The following PEX6 variants were observed in gnomAD, a reference collection of about 807,000 sequenced individuals.
The protein encoded by PEX6 is peroxisomal biogenesis factor 6.
PEX6 carries 55 observed loss-of-function variants against 85.6 expected under a neutral mutation model. The ratio of observed to expected loss-of-function variants is 0.64; its 90% confidence interval spans 0.52 to 0.80. The LOEUF (loss-of-function observed/expected upper bound fraction) is 0.80. Ranked by LOEUF, PEX6 falls within the 30% of genes least tolerant of loss-of-function variation. The pLI is 0.00. For missense variants in PEX6, 1,099 were observed against 1,260.3 expected, an observed-to-expected ratio of 0.87 and a Z score of 1.94; for synonymous variants, 519 against 549.1, an observed-to-expected ratio of 0.95 and a Z score of 0.77.
In PEX6 at chr6:42,966,043, C is replaced by T. The variant is rs1443107232; in HGVS notation, c.2362+1G>A. 2 of 1,613,808 alleles carry T rather than the reference C, an allele frequency of 1.2e-6. No individual in the cohort carries two copies. Among genetic ancestry groups the T allele is most frequent in the Non-Finnish European group, 1.7e-6 (2 of 1,180,018 alleles). The stretch of plus-strand genomic sequence containing the variant: ...CGCCCTGCCCCTCCCTGCTCACTCA[C>T]CTTCCCGCACATTCTCCTCACTTTG... On this transcript the variant is annotated splice_donor_variant, in intron 12 of 16. Transcript: ENST00000304611. LOFTEE classifies it high-confidence loss of function.
intron 6 of PEX6, 31 bp downstream of exon 6, chr6:42,968,843 A>T (rs1202326932): frequency 1.4e-6 from 2 of 1,470,620 alleles, no homozygotes; most frequent in Non-Finnish European, 1.9e-6. Context: ...GAGGGGAAGT[A>T]GCTGGGGTTC....
At chr6:42,970,405 C>T (rs774009150) in intron 3 of PEX6, among the ~76,000 whole-genome samples, 6 of 152,256 alleles carry the variant, frequency 3.9e-5, no homozygotes, top group Non-Finnish European at 7.3e-5. Flanking sequence ...CTCAATAATC[C>T]ACAAAATCTC....
chr6:42,972,355 G>A (rs1341684607), intron 3 of PEX6, among the ~76,000 whole-genome samples: 1 of 152,160 alleles, frequency 6.6e-6, no homozygotes, highest in East Asian at 1.9e-4. Context: ...ATTTTACATG[G>A]AACCTCTGTG....
At chr6:42,973,340 T>C (rs549703607) in intron 3 of PEX6, among the ~76,000 whole-genome samples, 1 of 152,178 alleles carries the variant, frequency 6.6e-6, no homozygotes, top group South Asian at 2.1e-4. Context: ...TTGCTTTACA[T>C]AGGGCCACCA....
In PEX6 at chr6:42,978,437, G is replaced by A. The variant is rs1279128147; in HGVS notation, c.714C>T (p.His238=). 5 of 1,614,120 alleles carry A rather than the reference G, an allele frequency of 3.1e-6. No individual in the cohort carries two copies. The highest frequency in any genetic ancestry group is 4.2e-6 in the Non-Finnish European group (5 of 1,180,034). ...GTTCTAGGACCTGCACCCTAGCCAAGTGCGGCTGTGAAGTGTTCGATGACT... is the reference window on the plus strand; with the variant it reads ...GTTCTAGGACCTGCACCCTAGCCAAATGCGGCTGTGAAGTGTTCGATGACT... ...ARESSNTSQP[H]LARVQVLEPR... The change falls in exon 1 of 17, where the codon CAC becomes CAT. Residue 238 remains histidine, a synonymous_variant. Coordinates refer to ENST00000304611, the MANE Select transcript of PEX6 (RefSeq NM_000287.4).
chr6:42,963,991 T>C lies in PEX6; in HGVS notation c.*344A>G. The C allele has an allele frequency of 2.4e-6, 1 of 419,270 alleles. No homozygotes were observed. Among genetic ancestry groups the C allele is most frequent in the South Asian group, 2.1e-5 (1 of 48,028 alleles). The allele number at this position is 419,270 out of a possible 1,614,324, so 26.0% of individuals were successfully genotyped here. A position where few individuals can be genotyped will look rare whatever the true frequency, so the allele number is the denominator to read the frequency against. On this transcript the variant is annotated 3_prime_UTR_variant, in exon 17 of 17. Transcript: ENST00000304611. ...CCCTGCTCTTTCTCACTCCAACCTT[T>C]CATGCCACAACACCAGTAGGGGGCG... is the stretch of plus-strand genomic sequence containing the variant.
rs1446120798 is a variant in PEX6 at position 42,979,159 on chromosome 6, G to A, written c.-9C>T. The A allele has an allele frequency of 1.9e-6, 3 of 1,576,060 alleles. No homozygotes were observed. The highest frequency in any genetic ancestry group is 2.7e-5 in the African/African-American group (2 of 74,536). Reference sequence around the variant, plus strand: ...AAGACAGCCAGCGCCATGGTGACAGGACACCAACGAGGAGGGTGAAGGAGC... The same window carrying A: ...AAGACAGCCAGCGCCATGGTGACAGAACACCAACGAGGAGGGTGAAGGAGC... On this transcript the variant is annotated 5_prime_UTR_variant, in exon 1 of 17. Transcript: ENST00000304611.
intron 11 of PEX6, 45 bp downstream of exon 11, chr6:42,966,197 G>A: frequency 6.2e-7 from 1 of 1,609,232 alleles, no homozygotes; most frequent in Non-Finnish European, 8.5e-7. Flanking sequence ...CCAGCCTGCT[G>A]CAGCCCCTGA....
rs750046036 is a variant in PEX6, at chr6:42,966,308, G to A, written c.2234C>T (p.Pro745Leu). Reference sequence around the variant, plus strand: ...CAGAAGGGTCTTGCCGGTGCCAGGGGGCCCATGGAGCAGAAGGCCTGAGCG... The same window carrying A: ...CAGAAGGGTCTTGCCGGTGCCAGGGAGCCCATGGAGCAGAAGGCCTGAGCG... ...LRRSGLLLHG[P>L]PGTGKTLLAK... The change falls in exon 11 of 17, where the codon CCC (proline) becomes CTC (leucine). Residue 745 changes from proline to leucine, a missense_variant. By Grantham distance (98) the Pro-to-Leu change is moderately conservative. This residue lies in a region of PEX6 where 514 missense variants were observed against 627.0 expected (regional missense o/e 0.82). Coordinates refer to ENST00000304611, the MANE Select transcript of PEX6 (RefSeq NM_000287.4). The A allele has an allele frequency of 6.2e-7, 1 of 1,612,954 alleles. No individual in the cohort carries two copies. The highest frequency in any genetic ancestry group is 8.5e-7 in the Non-Finnish European group (1 of 1,180,012).
At position 42,965,958 on chromosome 6, in the gene PEX6, C is replaced by T. The variant is rs1769780317; in HGVS notation, c.2362+86G>A. ...TGTAGAAAGGAGGATTAGGAATGAT[C>T]ATGAGTAGCCTGGGAGTAGGGGGTG... On this transcript the variant is annotated intron_variant, in intron 12 of 16. Coordinates refer to ENST00000304611, the MANE Select transcript of PEX6 (RefSeq NM_000287.4). The surrounding 1 kb of genome is among the most constrained non-coding windows in gnomAD (Gnocchi z 5.0). 4 of 1,480,572 alleles carry T rather than the reference C, an allele frequency of 2.7e-6. No individual in the cohort carries two copies. Among genetic ancestry groups the T allele is most frequent in the Non-Finnish European group, 3.8e-6 (4 of 1,060,680 alleles). 91.7% of individuals were successfully genotyped at this position (1,480,572 alleles called of 1,614,324 possible). A position where few individuals can be genotyped will look rare whatever the true frequency, so the allele number is the denominator to read the frequency against.
chr6:42,965,883 T>C lies in PEX6; in HGVS notation c.2363-94A>G. 7.7e-7 allele frequency: 1 copy of C among 1,304,056 alleles called. No homozygotes were observed. The highest frequency in any genetic ancestry group is 1.1e-6 in the Non-Finnish European group (1 of 902,084). The allele number at this position is 1,304,056 out of a possible 1,614,324, so 80.8% of individuals were successfully genotyped here. A position where few individuals can be genotyped will look rare whatever the true frequency, so the allele number is the denominator to read the frequency against. On this transcript the variant is annotated intron_variant, in intron 12 of 16. Transcript: ENST00000304611. The surrounding 1 kb of genome is among the most constrained non-coding windows in gnomAD (Gnocchi z 5.0). ...AGGGAGGGAAACTGGGGCCTGACAA[T>C]ACAGCACTGGCATCCCAGGTACTAG...
chr6:42,974,451 GTTTTTTT>G lies in PEX6; in HGVS notation c.1047-372_1047-366del, dbSNP rs541877938. Among the ~76,000 whole-genome samples, 14 of 61,032 alleles carry G rather than the reference GTTTTTTT, an allele frequency of 2.3e-4. 1 individual carries two copies. Among genetic ancestry groups the G allele is most frequent in the South Asian group, 2.2e-3 (3 of 1,350 alleles). 40.0% of individuals were successfully genotyped at this position (61,032 alleles called of 152,430 possible). ...ACAATCTGTCTGAAATGTTTTTTTTGTTTTTTTTTTTTTTTTTTTTTTTTGAGACGGA... is the reference window on the plus strand; with the variant it reads ...ACAATCTGTCTGAAATGTTTTTTTTGTTTTTTTTTTTTTTTTTGAGACGGA... On this transcript the variant is annotated intron_variant, in intron 2 of 16. Transcript: ENST00000304611.
rs1254835147 is a variant in PEX6, at chr6:42,967,688, T to C, written c.1689-125A>G. ...TGGGTGCTAGGATGGGGTAGGGAGATGAGCATCTACCCCAGTTCCTAGATG... is the reference window on the plus strand; with the variant it reads ...TGGGTGCTAGGATGGGGTAGGGAGACGAGCATCTACCCCAGTTCCTAGATG... On this transcript the variant is annotated intron_variant, in intron 7 of 16. Coordinates refer to ENST00000304611, the MANE Select transcript of PEX6 (RefSeq NM_000287.4). The C allele has an allele frequency of 3.9e-6, 3 of 772,222 alleles. No homozygotes were observed. In the African/African-American group the frequency reaches 5.1e-5, roughly 13 times the overall value. The allele number at this position is 772,222 out of a possible 1,614,324, so 47.8% of individuals were successfully genotyped here.
chr6:42,969,994 G>A lies in PEX6; in HGVS notation c.1131-7C>T, dbSNP rs752538584. ...AAAAAACATTTCCCGCCACCTGCAG[G>A]AAAAAGGCCCAATGAACCCCAGATC... is the stretch of plus-strand genomic sequence containing the variant. On this transcript the variant is annotated splice_region_variant and splice_polypyrimidine_tract_variant and intron_variant, in intron 3 of 16. Transcript: ENST00000304611. 4 of 1,612,828 alleles carry A rather than the reference G, an allele frequency of 2.5e-6. No homozygotes were observed. Among genetic ancestry groups the A allele is most frequent in the Admixed American group, 1.7e-5 (1 of 59,996 alleles).
Position 42,978,610 on chromosome 6 carries a change from C to T in PEX6, c.541G>A (p.Val181Met), listed in dbSNP as rs372248987. The T allele has an allele frequency of 2.2e-5, 36 of 1,604,776 alleles. No individual in the cohort carries two copies. Among genetic ancestry groups the T allele is most frequent in the East Asian group, 2.2e-4 (10 of 44,584 alleles). The change falls in exon 1 of 17, where the codon GTG becomes ATG. Residue 181 changes from valine (V) to methionine (M), a missense_variant. Val to Met is a conservative substitution (Grantham distance 21). Around this residue, in one of 3 missense-constraint regions of PEX6, gnomAD observed 579 missense variants for 611.6 expected, o/e 0.95. Coordinates refer to ENST00000304611, the MANE Select transcript of PEX6 (RefSeq NM_000287.4). ...GDSSRPPPPP[V>M]VSSFAVSGTV... is the part of the protein sequence containing the mutation. ...CCAGAAACCGCAAAGGAGGACACCA[C>T]GGGCGGGGGTGGGGGCCGACTGCTG...
chr6:42,973,651 G>C (rs1181872616), intron 3 of PEX6, among the ~76,000 whole-genome samples: 1 of 151,984 alleles, frequency 6.6e-6, no homozygotes, highest in Non-Finnish European at 1.5e-5. Context: ...TCAAGAGTTC[G>C]AGCCCAGCCT....
chr6:42,974,131 G>A, intron 2 of PEX6, 45 bp from the exon 3 acceptor site: 1 of 1,450,778 alleles, frequency 6.9e-7, no homozygotes, highest in Non-Finnish European at 9.7e-7. Flanking sequence ...TGGGAGTAAT[G>A]AGCATGTGTT....
chr6:42,966,656 A>G lies in PEX6; in HGVS notation c.1963T>C (p.Leu655=), dbSNP rs751189574. The G allele has an allele frequency of 2.8e-5, 45 of 1,613,950 alleles. No homozygotes were observed. Among genetic ancestry groups the G allele is most frequent in the Non-Finnish European group, 3.6e-5 (43 of 1,180,032 alleles). The change falls in exon 10 of 17, where the codon TTG becomes CTG. Residue 655 remains leucine (L), a splice_region_variant and synonymous_variant. Transcript: ENST00000304611. ...AACTRIKNSG[L]AGGLTEEDEG... ...TCCTCCTCAGTCAAGCCACCTGCCA[A>G]ACTGCAAAGAGGAACACAGGGAAGC...
rs77771219 is a variant in PEX6 at position 42,971,999 on chromosome 6, G to A, written c.1130+2004C>T. On this transcript the variant is annotated intron_variant, in intron 3 of 16. Transcript: ENST00000304611. This position sits in a 1 kb window ranked among gnomAD's most constrained non-coding sequence, Gnocchi z 4.4. ...TCGTGGACTTAATCTGGAAAACCTC[G>A]AAGAGGTGACATGGAGCCTAAATGG... Among the ~76,000 whole-genome samples, 1,244 of 152,302 alleles carry A rather than the reference G, an allele frequency of 8.2e-3. 17 individuals carry two copies. Among genetic ancestry groups the A allele is most frequent in the African/African-American group, 0.028 (1,174 of 41,558 alleles).
Sources: gnomAD v4.1 joint callset for allele counts (sites outside exome capture counted in the v4.1 genomes callset) on GRCh38, gnomAD v4.1.1 for gene constraint, gnomAD v4.1.1 regional missense constraint, Gnocchi (gnomAD v3.1) non-coding constraint, MANE v1.5 for transcripts, NCBI Gene and HGNC (gene_info 2026-07-23, HGNC 2026-07-21) for gene names.